The following ARHGEF3 variants were observed in gnomAD, a reference collection of about 807,000 sequenced individuals.
ARHGEF3 encodes the protein 59.8 kDA protein.
A neutral mutation model predicts 63.2 loss-of-function variants in ARHGEF3; 28 were observed. The observed-to-expected ratio is 0.44, with a 90% CI of 0.33 to 0.61. The LOEUF is 0.61. Among genes scored for constraint, ARHGEF3 ranks in the 20% least tolerant of loss-of-function variants. ARHGEF3 has a pLI of 0.03. For synonymous variants in ARHGEF3, 266 were observed against 254.2 expected (o/e 1.05, Z -0.44); for missense variants, 533 against 659.3 (o/e 0.81, Z 2.10).
intron 2 of ARHGEF3, among the ~76,000 whole-genome samples, chr3:56,763,298 A>G (rs2035524995): frequency 6.6e-6 from 1 of 152,180 alleles, no homozygotes; most frequent in African/African-American, 2.4e-5. Context: ...TTGTCATACC[A>G]CAGACCACAC....
At chr3:56,809,568 C>T (rs2037990569) in intron 4 of ARHGEF3, among the ~76,000 whole-genome samples, 1 of 152,106 alleles carries the variant, frequency 6.6e-6, no homozygotes, top group Non-Finnish European at 1.5e-5. Flanking sequence ...GAACTTATAA[C>T]TATCAGCAGG....
chr3:57,053,082 C>T (rs903040370), intron 1 of ARHGEF3, among the ~76,000 whole-genome samples: 1 of 152,234 alleles, frequency 6.6e-6, no homozygotes, highest in African/African-American at 2.4e-5. Context: ...TCATGCAAAG[C>T]TGCCTGCTAG....
At chr3:57,064,252 G>A (rs976140594) in intron 1 of ARHGEF3, among the ~76,000 whole-genome samples, 4 of 152,158 alleles carry the variant, frequency 2.6e-5, no homozygotes, top group South Asian at 2.1e-4. Flanking sequence ...GTGACAGAGT[G>A]AGGCCCCGTC....
intron 2 of ARHGEF3, among the ~76,000 whole-genome samples, chr3:56,980,327 C>G (rs1217222449): frequency 6.6e-6 from 1 of 152,138 alleles, no homozygotes; most frequent in Non-Finnish European, 1.5e-5. Context: ...AAACACAAAG[C>G]CTGTTTTGTA....
chr3:56,900,056 G>T (rs2041453736), intron 3 of ARHGEF3, among the ~76,000 whole-genome samples: 1 of 152,178 alleles, frequency 6.6e-6, no homozygotes, highest in African/African-American at 2.4e-5. Flanking sequence ...TGGAGGCTAG[G>T]TTTGGGGAGT....
chr3:56,768,278 C>T (rs1330644845), intron 2 of ARHGEF3, among the ~76,000 whole-genome samples: 4 of 152,058 alleles, frequency 2.6e-5, no homozygotes, highest in Non-Finnish European at 5.9e-5. Flanking sequence ...AGGTTGGTCT[C>T]GAACTCCTGA....
intron 3 of ARHGEF3, among the ~76,000 whole-genome samples, chr3:56,915,130 AG>A (rs1009298822): frequency 2.0e-5 from 3 of 152,218 alleles, no homozygotes; most frequent in African/African-American, 7.2e-5. Flanking sequence ...TGAGAAGAAT[AG>A]AAAAAGCAAT....
At chr3:57,077,454 A>T (rs1292390660) in intron 1 of ARHGEF3, among the ~76,000 whole-genome samples, 1 of 147,772 alleles carries the variant, frequency 6.8e-6, no homozygotes, top group African/African-American at 2.5e-5. Flanking sequence ...AGATTTCAGG[A>T]CGTTCAGTGG....
At chr3:56,958,756 C>A in intron 3 of ARHGEF3, 1 of 1,479,490 alleles carries the variant, frequency 6.8e-7, no homozygotes, top group South Asian at 1.2e-5. Context: ...AGCGTCCGTT[C>A]TGGAGGCCAG....
rs540996305 is a variant in ARHGEF3 at position 57,024,885 on chromosome 3, G to T, written c.62+10203C>A. Among the ~76,000 whole-genome samples the T allele has an allele frequency of 2.0e-5, 3 of 152,218 alleles. No individual in the cohort carries two copies. In the South Asian group the frequency reaches 6.2e-4, roughly 31 times the overall value. ...TCTGATCTAAAACAAAACAAATGCA[G>T]GCTAATGCCTTCACCAGCGTGTCAA... On this transcript the variant is annotated intron_variant, in intron 2 of 12. Transcript: ENST00000338458.
rs373191616 is a variant in ARHGEF3 at position 56,871,007 on chromosome 3, A to C, written c.192+11285T>G. On this transcript the variant is annotated intron_variant, in intron 4 of 12. Transcript: ENST00000338458. The stretch of plus-strand genomic sequence containing the variant: ...GTCTTTAAAAAGCCATCACAAACTA[A>C]TTTTTACATATATATTTATCTATCT... 1.6e-4 allele frequency among the ~76,000 whole-genome samples: 25 copies of C among 152,226 alleles called. No individual in the cohort carries two copies. In the South Asian group the frequency reaches 4.1e-3, roughly 25 times the overall value.
intron 2 of ARHGEF3, among the ~76,000 whole-genome samples, chr3:56,987,855 T>C (rs1358096163): frequency 6.6e-6 from 1 of 152,182 alleles, no homozygotes; most frequent in Admixed American, 6.5e-5. Context: ...TTTTCAAGTA[T>C]TTGATTAACA....
rs1398960965 is a variant in ARHGEF3 at position 56,906,631 on chromosome 3, T to G, written c.130-24277A>C. On this transcript the variant is annotated intron_variant, in intron 3 of 12. Coordinates refer to the ARHGEF3 transcript ENST00000338458. The stretch of plus-strand genomic sequence containing the variant: ...CAAGTGGATCACCTGAGGTCAGGAG[T>G]TCGAGACCAGCCTGGCAAACATGGT... Among the ~76,000 whole-genome samples, 4 of 152,018 alleles carry G rather than the reference T, an allele frequency of 2.6e-5. No homozygotes were observed. The East Asian group carries it at 7.7e-4, about 29-fold the overall frequency.
At chr3:57,047,296 G>A (rs1198209116) in intron 1 of ARHGEF3, among the ~76,000 whole-genome samples, 1 of 152,144 alleles carries the variant, frequency 6.6e-6, no homozygotes, top group South Asian at 2.1e-4. Flanking sequence ...GCAGTGAGCC[G>A]AGATTTTGCC....
intron 2 of ARHGEF3, among the ~76,000 whole-genome samples, chr3:57,019,964 T>A (rs1220933762): frequency 6.6e-6 from 1 of 152,168 alleles, no homozygotes; most frequent in Non-Finnish European, 1.5e-5. Context: ...AATGGTGCAA[T>A]CTCGGCTCAC....
intron 2 of ARHGEF3, among the ~76,000 whole-genome samples, chr3:57,014,209 A>C (rs1182861398): frequency 6.6e-6 from 1 of 152,180 alleles, no homozygotes; most frequent in African/African-American, 2.4e-5. Context: ...AAAAAACTCC[A>C]AACACGTCTG....
chr3:56,800,866 T>C (rs2037613583), intron 1 of ARHGEF3, among the ~76,000 whole-genome samples: 1 of 152,192 alleles, frequency 6.6e-6, no homozygotes, highest in South Asian at 2.1e-4. Context: ...AGCGACTGTA[T>C]TCCCTAAGAC....
At chr3:56,913,637 C>G (rs1454904620) in intron 3 of ARHGEF3, among the ~76,000 whole-genome samples, 1 of 152,118 alleles carries the variant, frequency 6.6e-6, no homozygotes, top group Non-Finnish European at 1.5e-5. Context: ...ACTGTATGTT[C>G]TAGCAATTCT....
chr3:56,953,658 T>C (rs1009540413), intron 3 of ARHGEF3, among the ~76,000 whole-genome samples: 2 of 152,194 alleles, frequency 1.3e-5, no homozygotes, highest in African/African-American at 2.4e-5. Flanking sequence ...ACCATAGCGA[T>C]TGGCCGAGGC....
Sources: gnomAD v4.1 joint callset for allele counts (sites outside exome capture counted in the v4.1 genomes callset) on GRCh38, gnomAD v4.1.1 for gene constraint, MANE v1.5 for transcripts, NCBI Gene and HGNC (gene_info 2026-07-23, HGNC 2026-07-21) for gene names.